The following AVL9 variants were observed in gnomAD, a reference collection of about 807,000 sequenced individuals.
The protein encoded by AVL9 is AVL9 cell migration associated.
Under a neutral mutation model 79.2 loss-of-function variants are expected in AVL9, and 49 were observed. The observed-to-expected ratio is 0.62, with a 90% CI of 0.49 to 0.79. The LOEUF (loss-of-function observed/expected upper bound fraction) is 0.79. Ranked by LOEUF, AVL9 falls within the 30% of genes least tolerant of loss-of-function variation. The pLI is 0.00. For synonymous variants in AVL9, 299 were observed against 280.6 expected (o/e 1.07, Z -0.65); for missense variants, 682 against 776.8 (o/e 0.88, Z 1.45).
chr7:32,581,075 C>A (rs1399664736), intron 15 of AVL9, 185 bp downstream of exon 15: 2 of 471,540 alleles, frequency 4.2e-6, no homozygotes, highest in African/African-American at 9.1e-5. Flanking sequence ...GGTCAAACTC[C>A]ATTATCTAAT....
chr7:32,499,009 C>G lies in AVL9; in HGVS notation c.93+3207C>G, dbSNP rs147043853. Among the ~76,000 whole-genome samples, 5 of 19,980 alleles carry G rather than the reference C, an allele frequency of 2.5e-4. 2 individuals carry two copies. The highest frequency in any genetic ancestry group is 1.4e-3 in the Admixed American group (2 of 1,434). 13.1% of individuals were successfully genotyped at this position (19,980 alleles called of 152,430 possible). ...TGAAACCCCGCCTCTACTAAAAATA[C>G]AAAATTAGCTGCGCGTGGTGGCACA... is the stretch of plus-strand genomic sequence containing the variant. On this transcript the variant is annotated intron_variant, in intron 1 of 15. Transcript: ENST00000318709.
intron 1 of AVL9, chr7:32,536,033 A>G (rs1159785552): frequency 3.3e-5 from 5 of 152,240 alleles, no homozygotes; most frequent in Non-Finnish European, 2.9e-5. Context: ...CCTCCCTAGC[A>G]TTACAGAACT....
At chr7:32,542,294 C>T (rs1456772541) in intron 1 of AVL9, among the ~76,000 whole-genome samples, 2 of 146,960 alleles carry the variant, frequency 1.4e-5, no homozygotes, top group African/African-American at 5.1e-5. Context: ...AATCCCAGCA[C>T]TTTGGGAGGC....
At chr7:32,561,878 C>A (rs1390191452) in intron 10 of AVL9, among the ~76,000 whole-genome samples, 3 of 151,998 alleles carry the variant, frequency 2.0e-5, no homozygotes, top group Non-Finnish European at 4.4e-5. Flanking sequence ...TGTTAATTGG[C>A]CTAATTTAAA....
At chr7:32,562,514 C>T in intron 10 of AVL9, 1 of 526,082 alleles carries the variant, frequency 1.9e-6, no homozygotes. Context: ...TTTTTAATAA[C>T]TTAAATGCAA....
chr7:32,563,912 T>G (rs1290975203), intron 10 of AVL9, among the ~76,000 whole-genome samples: 1 of 152,186 alleles, frequency 6.6e-6, no homozygotes, highest in Non-Finnish European at 1.5e-5. Flanking sequence ...TTCTTAAAAC[T>G]GGAATTTAAG....
chr7:32,551,882 C>G (rs1462003685), intron 5 of AVL9, among the ~76,000 whole-genome samples: 2 of 152,078 alleles, frequency 1.3e-5, no homozygotes, highest in East Asian at 3.9e-4. Context: ...CTCTTGGATT[C>G]TGGTGGGAGT....
intron 10 of AVL9, among the ~76,000 whole-genome samples, chr7:32,566,269 T>C (rs66505609): frequency 0.83 from 115,363 of 138,850 alleles, 48,005 homozygotes; most frequent in Middle Eastern, 0.88. Flanking sequence ...CTCCACCTCC[T>C]GTGCTCAAGC....
intron 1 of AVL9, among the ~76,000 whole-genome samples, chr7:32,530,897 A>G (rs931113874): frequency 6.6e-6 from 1 of 152,182 alleles, no homozygotes; most frequent in African/African-American, 2.4e-5. Flanking sequence ...CGGAGGTTGC[A>G]ATGAGCCAAG....
chr7:32,574,922 C>T (rs1276356582), intron 12 of AVL9, among the ~76,000 whole-genome samples: 1 of 152,128 alleles, frequency 6.6e-6, no homozygotes, highest in African/African-American at 2.4e-5. Flanking sequence ...TTGTATTTCA[C>T]CTTCAAAGTA....
rs570507169 is a variant in AVL9 at position 32,529,034 on chromosome 7, A to G, written c.94-14107A>G. On this transcript the variant is annotated intron_variant, in intron 1 of 15. Transcript: ENST00000318709. ...CAAAAAACAAAAAAATGTTTATCAT[A>G]TACTAAGCATTGTGTTAGTTGTGTG... Among the ~76,000 whole-genome samples the G allele has an allele frequency of 2.0e-5, 3 of 152,352 alleles. No individual in the cohort carries two copies. The South Asian group carries it at 6.2e-4, about 32-fold the overall frequency.
intron 10 of AVL9, among the ~76,000 whole-genome samples, chr7:32,568,012 G>C (rs1032336568): frequency 4.0e-5 from 6 of 151,692 alleles, no homozygotes; most frequent in African/African-American, 1.2e-4. Flanking sequence ...GAGCCATCGC[G>C]CCCAGCCCTT....
At chr7:32,513,657 G>A (rs2128119439) in intron 1 of AVL9, among the ~76,000 whole-genome samples, 1 of 152,354 alleles carries the variant, frequency 6.6e-6, no homozygotes, top group African/African-American at 2.4e-5. Context: ...GCAAGGTGGA[G>A]ACGAGAGACT....
intron 1 of AVL9, among the ~76,000 whole-genome samples, chr7:32,540,956 T>TGGCGG (rs1789167526): frequency 7.7e-6 from 1 of 130,694 alleles, no homozygotes; most frequent in Non-Finnish European, 1.6e-5. Flanking sequence ...TGGAGTGCAG[T>TGGCGG]GGCGGGATCT....
chr7:32,579,042 C>G (rs116229378), intron 13 of AVL9, among the ~76,000 whole-genome samples: 1,988 of 151,346 alleles, frequency 0.013, 45 homozygotes, highest in African/African-American at 0.044. Context: ...TTCAGGAATC[C>G]AAGAAGAAGA....
intron 15 of AVL9, among the ~76,000 whole-genome samples, chr7:32,581,919 T>C (rs1431038460): frequency 6.6e-6 from 1 of 152,220 alleles, no homozygotes; most frequent in Non-Finnish European, 1.5e-5. Flanking sequence ...GTCAAATGTT[T>C]AAGGAAGAAA....
rs1020106007 is a variant in AVL9 at position 32,495,551 on chromosome 7, G to T, written c.-159G>T. ...AGGGAAGGGCGGCCGTGGCCCTGGG[G>T]GCGGCGGGAGCTGCTTTGCCTCCAC... On this transcript the variant is annotated 5_prime_UTR_variant, in exon 1 of 16. Transcript: ENST00000318709. The T allele has an allele frequency of 2.4e-6, 1 of 422,302 alleles. No individual in the cohort carries two copies. Among genetic ancestry groups the T allele is most frequent in the Non-Finnish European group, 4.2e-6 (1 of 240,896 alleles). 26.2% of individuals were successfully genotyped at this position (422,302 alleles called of 1,614,324 possible). A position where few individuals can be genotyped will look rare whatever the true frequency, so the allele number is the denominator to read the frequency against.
At chr7:32,574,577 CT>C (rs973418915) in intron 12 of AVL9, among the ~76,000 whole-genome samples, 5 of 149,430 alleles carry the variant, frequency 3.3e-5, no homozygotes, top group East Asian at 1.9e-4. Context: ...TAGTAGCTCA[CT>C]TTTTTTTTTG....
intron 1 of AVL9, among the ~76,000 whole-genome samples, chr7:32,497,898 G>A (rs556199789): frequency 2.2e-3 from 328 of 152,228 alleles, no homozygotes; most frequent in Non-Finnish European, 3.8e-3. Flanking sequence ...TGATCCGCCC[G>A]CCTCGGCCTC....
Sources: allele counts gnomAD v4.1 joint callset (sites outside exome capture counted in the v4.1 genomes callset), GRCh38; gene constraint gnomAD v4.1.1; transcripts MANE v1.5; gene names NCBI Gene and HGNC (gene_info 2026-07-23, HGNC 2026-07-21).